The following TTF2 variants were observed in gnomAD, a reference collection of about 807,000 sequenced individuals.
TTF2 encodes the protein transcription termination factor 2.
Under a neutral mutation model 142.4 loss-of-function variants are expected in TTF2, and 108 were observed. The ratio of observed to expected loss-of-function variants is 0.76; its 90% CI spans 0.65 to 0.89. The LOEUF is 0.89. Ranked by LOEUF, TTF2 falls within the 40% of genes least tolerant of loss-of-function variation. The pLI, the probability that TTF2 is intolerant of heterozygous loss-of-function variation, is 0.00. For missense variants in TTF2, 1,327 were observed against 1,379.8 expected, an observed-to-expected ratio of 0.96 and a Z score of 0.61; for synonymous variants, 483 against 506.2, an observed-to-expected ratio of 0.95 and a Z score of 0.61.
chr1:117,095,336 G>C lies in TTF2; in HGVS notation c.3004G>C (p.Ala1002Pro), dbSNP rs750688792. ...TTCATCTCTGTTGGCAGAATTGGAG[G>C]CAATTCAAAGAAATTCAGCATCCCA... ...KISSLLAELE[A>P]IQRNSASQKS... The change falls in exon 19 of 23, where the codon GCA becomes CCA. Residue 1002 changes from alanine to proline, a missense_variant. By Grantham distance (27) the Ala-to-Pro change is conservative. Transcript: ENST00000369466. 4.9e-5 allele frequency: 79 copies of C among 1,613,982 alleles called. No homozygotes were observed. The highest frequency in any genetic ancestry group is 6.5e-5 in the Non-Finnish European group (77 of 1,180,010).
chr1:117,092,843 C>T lies in TTF2; in HGVS notation c.2918C>T (p.Ser973Phe), dbSNP rs1056344591. 2.8e-5 allele frequency: 46 copies of T among 1,614,092 alleles called. No individual in the cohort carries two copies. The highest frequency in any genetic ancestry group is 3.7e-5 in the Non-Finnish European group (44 of 1,180,046). Residue 973 changes from serine (S) to phenylalanine (F), a missense_variant, in exon 18 of 23, where the codon TCC becomes TTC. Ser to Phe is a radical substitution (Grantham distance 155, BLOSUM62 -2). Coordinates refer to ENST00000369466, the MANE Select transcript of TTF2 (RefSeq NM_003594.4). The surrounding 1 kb of genome is among the most constrained non-coding windows in gnomAD (Gnocchi z 4.4). ...GACTCAGAGCCATCTTCCACTGTTT[C>T]CCTTAACGGCACCTTCTTCAAGATG... ...LRDSEPSSTV[S>F]LNGTFFKMEL... is the part of the protein sequence containing the mutation.
intron 12 of TTF2, among the ~76,000 whole-genome samples, chr1:117,088,255 C>T (rs1469373194): frequency 6.6e-6 from 1 of 152,124 alleles, no homozygotes; most frequent in South Asian, 2.1e-4. Flanking sequence ...AAAGAAAAGT[C>T]GGCTGGGCGC....
At chr1:117,069,620 T>C (rs1177604926) in intron 3 of TTF2, among the ~76,000 whole-genome samples, 3 of 152,188 alleles carry the variant, frequency 2.0e-5, no homozygotes, top group African/African-American at 7.2e-5. Context: ...ACTATATCAT[T>C]TTGCCATTTT....
intron 15 of TTF2, among the ~76,000 whole-genome samples, 192 bp from the exon 16 acceptor site, chr1:117,091,136 T>C (rs1648539042): frequency 6.6e-6 from 1 of 152,218 alleles, no homozygotes; most frequent in South Asian, 2.1e-4. Flanking sequence ...TTATATTTGT[T>C]AGCTTATTTT....
At position 117,075,885 on chromosome 1, in the gene TTF2, C is replaced by T. The variant is rs760420952; in HGVS notation, c.1275+26C>T. 1.3e-6 allele frequency: 2 copies of T among 1,579,160 alleles called. No individual in the cohort carries two copies. The highest frequency in any genetic ancestry group is 1.7e-6 in the Non-Finnish European group (2 of 1,165,874). On this transcript the variant is annotated intron_variant, in intron 5 of 22. Coordinates refer to ENST00000369466, the MANE Select transcript of TTF2 (RefSeq NM_003594.4). This position sits in a 1 kb window ranked among gnomAD's most constrained non-coding sequence, Gnocchi z 4.5. Reference sequence around the variant, plus strand: ...GTAACTATTGACTCGTGTTTTGTTTCTGAGGTCAGAGCATTGCTTGTTATG... The same window carrying T: ...GTAACTATTGACTCGTGTTTTGTTTTTGAGGTCAGAGCATTGCTTGTTATG...
chr1:117,083,598 C>A (rs981541518), intron 10 of TTF2, among the ~76,000 whole-genome samples: 5 of 152,162 alleles, frequency 3.3e-5, no homozygotes, highest in African/African-American at 9.7e-5. Flanking sequence ...AAGCACATTG[C>A]TTTTTCACAC....
At position 117,063,682 on chromosome 1, in the gene TTF2, T is replaced by C. The variant is rs1263388458; in HGVS notation, c.218+1209T>C. ...TCTGTTTAAATATTTTATCCTTTTTTTTGCATTGAAATTTTTATCAAGTAG... is the reference window on the plus strand; with the variant it reads ...TCTGTTTAAATATTTTATCCTTTTTCTTGCATTGAAATTTTTATCAAGTAG... On this transcript the variant is annotated intron_variant, in intron 3 of 22. Transcript: ENST00000369466. This position sits in a 1 kb window ranked among gnomAD's most constrained non-coding sequence, Gnocchi z 4.1. Among the ~76,000 whole-genome samples, 1 of 152,218 alleles carries C rather than the reference T, an allele frequency of 6.6e-6. No individual in the cohort carries two copies. Among genetic ancestry groups the C allele is most frequent in the Non-Finnish European group, 1.5e-5 (1 of 68,024 alleles).
chr1:117,063,401 C>A lies in TTF2; in HGVS notation c.218+928C>A, dbSNP rs761231282. Among the ~76,000 whole-genome samples, 13 of 152,200 alleles carry A rather than the reference C, an allele frequency of 8.5e-5. No homozygotes were observed. Among genetic ancestry groups the A allele is most frequent in the Non-Finnish European group, 1.5e-4 (10 of 68,044 alleles). ...TCCCCTTCAAGTTAATTTCACCCCT[C>A]CCATCTCCACCCCTGTCAGCAATCA... On this transcript the variant is annotated intron_variant, in intron 3 of 22. Transcript: ENST00000369466. The surrounding 1 kb of genome is among the most constrained non-coding windows in gnomAD (Gnocchi z 4.1).
intron 18 of TTF2, chr1:117,094,654 A>T (rs1402814029): frequency 2.1e-6 from 1 of 485,058 alleles, no homozygotes; most frequent in Admixed American, 2.2e-5. Flanking sequence ...TTAGGAGAGT[A>T]TCTTCTCTGT....
Position 117,076,093 on chromosome 1 carries a change from G to A in TTF2, c.1276-87G>A. 7.2e-7 allele frequency: 1 copy of A among 1,383,882 alleles called. No homozygotes were observed. The highest frequency in any genetic ancestry group is 9.9e-7 in the Non-Finnish European group (1 of 1,007,992). The allele number at this position is 1,383,882 out of a possible 1,614,324, so 85.7% of individuals were successfully genotyped here. On this transcript the variant is annotated intron_variant, in intron 5 of 22. Coordinates refer to ENST00000369466, the MANE Select transcript of TTF2 (RefSeq NM_003594.4). This position sits in a 1 kb window ranked among gnomAD's most constrained non-coding sequence, Gnocchi z 4.6. The stretch of plus-strand genomic sequence containing the variant: ...ATATTTAAAAGACCATAATTTCAGA[G>A]TTTGGGTGTTTCAGGCTATTTTAAT...
At position 117,060,393 on chromosome 1, in the gene TTF2, A is replaced by C. The variant is rs746657376; in HGVS notation, c.28+19A>C. 30 of 1,607,898 alleles carry C rather than the reference A, an allele frequency of 1.9e-5. No homozygotes were observed. The highest frequency in any genetic ancestry group is 2.6e-5 in the Non-Finnish European group (30 of 1,176,256). On this transcript the variant is annotated intron_variant, in intron 1 of 22. Transcript: ENST00000369466. ...GAGCACGGTAAGGGGCTAGGGTCTC[A>C]GCGTCCCGGGGCCTGTTGATTTAGC...
At chr1:117,098,989 A>C in intron 22 of TTF2, 82 bp downstream of exon 22, 1 of 1,339,936 alleles carries the variant, frequency 7.5e-7, no homozygotes, top group Non-Finnish European at 1.0e-6. Flanking sequence ...GTGTTTTCAT[A>C]GAATTTAAAG....
chr1:117,095,947 T>C (rs981821013), intron 19 of TTF2, among the ~76,000 whole-genome samples: 3 of 152,086 alleles, frequency 2.0e-5, no homozygotes, highest in Non-Finnish European at 2.9e-5. Context: ...CTAAATAAAT[T>C]GTAGAAAGGA....
rs781688527 is a variant in TTF2 at position 117,075,855 on chromosome 1, A to G, written c.1271A>G (p.Lys424Arg). The change falls in exon 5 of 23, where the codon AAG becomes AGG. Residue 424 changes from lysine (K) to arginine (R), a missense_variant. Transcript: ENST00000369466. The surrounding 1 kb of genome is among the most constrained non-coding windows in gnomAD (Gnocchi z 4.5). ...TACCTTACAACACAACTGAAACAAA[A>G]GAAGGTAACTATTGACTCGTGTTTT... is the stretch of plus-strand genomic sequence containing the variant. ...RVYLTTQLKQKKSTLASVNIQ... is the reference protein window; with the variant it reads ...RVYLTTQLKQRKSTLASVNIQ... 6.2e-7 allele frequency: 1 copy of G among 1,602,850 alleles called. No individual in the cohort carries two copies. Among genetic ancestry groups the G allele is most frequent in the Admixed American group, 1.7e-5 (1 of 57,732 alleles).
At chr1:117,067,524 C>CAAAAAAAAAAAAAAAAAAAAAAAAAAA (rs1161287519) in intron 3 of TTF2, among the ~76,000 whole-genome samples, 1 of 40,962 alleles carries the variant, frequency 2.4e-5, no homozygotes, top group Non-Finnish European at 5.5e-5. Context: ...GACTCAGTCT[C>CAAAAAAAAAAAAAAAAAAAAAAAAAAA]AAAAAAAAAA....
At position 117,079,739 on chromosome 1, in the gene TTF2, ACT is replaced by A; in HGVS notation, c.1783+93_1783+94del. The A allele has an allele frequency of 8.1e-7, 1 of 1,239,968 alleles. No individual in the cohort carries two copies. The highest frequency in any genetic ancestry group is 1.2e-6 in the Non-Finnish European group (1 of 845,838). The allele number at this position is 1,239,968 out of a possible 1,614,324, so 76.8% of individuals were successfully genotyped here. A position where few individuals can be genotyped will look rare whatever the true frequency, so the allele number is the denominator to read the frequency against. Reference sequence around the variant, plus strand: ...GTTGTTTCATTTATTCCTCTCAAGAACTCTATGAGGCAGGTACTATTATTCCT... The same window carrying A: ...GTTGTTTCATTTATTCCTCTCAAGAACTATGAGGCAGGTACTATTATTCCT... On this transcript the variant is annotated intron_variant, in intron 9 of 22. Transcript: ENST00000369466. This position sits in a 1 kb window ranked among gnomAD's most constrained non-coding sequence, Gnocchi z 4.2.
chr1:117,073,741 A>C lies in TTF2; in HGVS notation c.285+14A>C. The stretch of plus-strand genomic sequence containing the variant: ...ATTCCATGGCAGGTAGGAATTATTC[A>C]TCTGTTTTCAAACCTGCTGTGTTAA... On this transcript the variant is annotated intron_variant, in intron 4 of 22. Transcript: ENST00000369466. This position sits in a 1 kb window ranked among gnomAD's most constrained non-coding sequence, Gnocchi z 4.4. 6.2e-7 allele frequency: 1 copy of C among 1,611,276 alleles called. No individual in the cohort carries two copies. The highest frequency in any genetic ancestry group is 8.5e-7 in the Non-Finnish European group (1 of 1,177,896).
intron 3 of TTF2, among the ~76,000 whole-genome samples, chr1:117,072,641 T>G (rs1286201602): frequency 6.6e-6 from 1 of 152,130 alleles, no homozygotes; most frequent in Non-Finnish European, 1.5e-5. Flanking sequence ...GCCAGGATGG[T>G]CTCGATCTCT....
chr1:117,076,344 A>G lies in TTF2; in HGVS notation c.1390+50A>G. 6.9e-7 allele frequency: 1 copy of G among 1,449,538 alleles called. No homozygotes were observed. Among genetic ancestry groups the G allele is most frequent in the Non-Finnish European group, 9.6e-7 (1 of 1,047,082 alleles). 89.8% of individuals were successfully genotyped at this position (1,449,538 alleles called of 1,614,324 possible). A position where few individuals can be genotyped will look rare whatever the true frequency, so the allele number is the denominator to read the frequency against. ...TCCGGGTTTGCATCGACTTTACAAG[A>G]GACATTCGGGAAGCCCTTTTAATAA... is the stretch of plus-strand genomic sequence containing the variant. On this transcript the variant is annotated intron_variant, in intron 6 of 22. Coordinates refer to ENST00000369466, the MANE Select transcript of TTF2 (RefSeq NM_003594.4). This position sits in a 1 kb window ranked among gnomAD's most constrained non-coding sequence, Gnocchi z 4.6.
Sources: gnomAD v4.1 joint callset for allele counts (sites outside exome capture counted in the v4.1 genomes callset) on GRCh38, gnomAD v4.1.1 for gene constraint, Gnocchi (gnomAD v3.1) non-coding constraint, MANE v1.5 for transcripts, NCBI Gene and HGNC (gene_info 2026-07-23, HGNC 2026-07-21) for gene names.